The following TUSC3 variants were observed in gnomAD, a reference collection of about 807,000 sequenced individuals.
TUSC3 encodes the protein tumor suppressor candidate 3.
Under a neutral mutation model 44.8 loss-of-function variants are expected in TUSC3, and 45 were observed. The observed-to-expected ratio is 1.00, with a 90% confidence interval of 0.79 to 1.29. TUSC3 has a LOEUF of 1.29. Ranked by LOEUF, TUSC3 falls within the 50% of genes most tolerant of loss-of-function variation. The pLI is 0.00. For missense variants in TUSC3, 519 were observed against 437.9 expected (o/e 1.19, Z -1.65); for synonymous variants, 212 against 152.9 (o/e 1.39, Z -2.85).
intron 1 of TUSC3, among the ~76,000 whole-genome samples, chr8:15,579,175 T>A (rs1171458374): frequency 6.6e-6 from 1 of 150,462 alleles, no homozygotes; most frequent in African/African-American, 2.4e-5. Context: ...CCCTTTATCA[T>A]TTTTTATTGT....
chr8:15,450,379 A>G (rs188591500), intron 1 of TUSC3, among the ~76,000 whole-genome samples: 67 of 150,692 alleles, frequency 4.4e-4, no homozygotes, highest in Middle Eastern at 3.4e-3. Context: ...TTCCCACTCA[A>G]GGTGCTATTT....
At chr8:15,712,377 A>T (rs542859254) in intron 6 of TUSC3, among the ~76,000 whole-genome samples, 7 of 151,998 alleles carry the variant, frequency 4.6e-5, no homozygotes, top group East Asian at 1.9e-4. Context: ...CTCTTTTCAG[A>T]ACTATTTGAA....
intron 1 of TUSC3, among the ~76,000 whole-genome samples, chr8:15,610,229 A>T (rs932840686): frequency 2.6e-5 from 4 of 152,180 alleles, no homozygotes; most frequent in Non-Finnish European, 5.9e-5. Context: ...AATTCCATAC[A>T]TTCATTGATC....
chr8:15,469,367 C>T (rs994111539), intron 1 of TUSC3, among the ~76,000 whole-genome samples: 6 of 151,910 alleles, frequency 3.9e-5, no homozygotes, highest in South Asian at 4.2e-4. Flanking sequence ...GACACATCAC[C>T]GAAGATATAC....
At chr8:15,714,920 C>T (rs577681685) in intron 6 of TUSC3, among the ~76,000 whole-genome samples, 1 of 152,020 alleles carries the variant, frequency 6.6e-6, no homozygotes, top group African/African-American at 2.4e-5. Flanking sequence ...CTTTATAACT[C>T]TTTATAATTT....
At chr8:15,471,672 C>A (rs1383528307) in intron 1 of TUSC3, among the ~76,000 whole-genome samples, 1 of 149,172 alleles carries the variant, frequency 6.7e-6, no homozygotes, top group Non-Finnish European at 1.5e-5. Context: ...GGCTGGAGAA[C>A]AATCGTGTGA....
intron 2 of TUSC3, among the ~76,000 whole-genome samples, chr8:15,647,056 A>G (rs778760604): frequency 6.6e-6 from 1 of 152,068 alleles, no homozygotes; most frequent in African/African-American, 2.4e-5. Flanking sequence ...CTTCTCTTTT[A>G]CATACCAAAT....
intron 5 of TUSC3, among the ~76,000 whole-genome samples, chr8:15,672,031 C>T (rs1301238383): frequency 6.6e-6 from 1 of 151,900 alleles, no homozygotes; most frequent in African/African-American, 2.4e-5. Context: ...CATTTATGGG[C>T]CATGAGTTAA....
At chr8:15,453,105 G>C (rs1487583589) in intron 1 of TUSC3, among the ~76,000 whole-genome samples, 3 of 152,096 alleles carry the variant, frequency 2.0e-5, no homozygotes, top group East Asian at 1.9e-4. Flanking sequence ...CTAGACTTGA[G>C]AGCTAGTTTC....
At chr8:15,504,810 G>C (rs530506161) in intron 2 of TUSC3, among the ~76,000 whole-genome samples, 5 of 150,120 alleles carry the variant, frequency 3.3e-5, no homozygotes, top group African/African-American at 1.2e-4. Context: ...CTGCCACCAT[G>C]CCCAGCTAAT....
chr8:15,460,651 T>C (rs1385845520), intron 1 of TUSC3, among the ~76,000 whole-genome samples: 1 of 152,240 alleles, frequency 6.6e-6, no homozygotes, highest in Admixed American at 6.5e-5. Flanking sequence ...CTAGAGTTGT[T>C]ATAGCTTCAG....
At chr8:15,633,977 T>A (rs1429090) in intron 2 of TUSC3, among the ~76,000 whole-genome samples, 1 of 152,180 alleles carries the variant, frequency 6.6e-6, no homozygotes, top group Non-Finnish European at 1.5e-5. Context: ...TCCCTCTGGG[T>A]CAGCTCCCCC....
At chr8:15,475,749 T>C (rs145191474) in intron 1 of TUSC3, among the ~76,000 whole-genome samples, 7 of 152,276 alleles carry the variant, frequency 4.6e-5, no homozygotes, top group African/African-American at 1.4e-4. Context: ...TTAACATAAA[T>C]ACAGAGTAAA....
At chr8:15,757,708 G>GTAA in intron 9 of TUSC3, 83 bp from the exon 10 acceptor site, 1 of 1,454,262 alleles carries the variant, frequency 6.9e-7, no homozygotes, top group Non-Finnish European at 9.7e-7. Flanking sequence ...GCTAAATCTT[G>GTAA]TAATAATATT....
chr8:15,837,107 C>G, the TUSC3 span, among the ~76,000 whole-genome samples: 1 of 152,094 alleles, frequency 6.6e-6, no homozygotes, highest in Non-Finnish European at 1.5e-5. Flanking sequence ...AGCTATTGTT[C>G]TACTGTCTGC....
chr8:15,573,322 A>G (rs929921675), intron 1 of TUSC3, among the ~76,000 whole-genome samples: 4 of 150,438 alleles, frequency 2.7e-5, no homozygotes, highest in Non-Finnish European at 3.0e-5. Flanking sequence ...CTGCCTTCCA[A>G]TCCACATCCA....
intron 1 of TUSC3, among the ~76,000 whole-genome samples, chr8:15,456,549 T>C (rs1429175893): frequency 1.3e-5 from 2 of 152,056 alleles, no homozygotes; most frequent in Non-Finnish European, 2.9e-5. Context: ...AAGAGTGATA[T>C]TAGGGTAGAA....
At chr8:15,448,114 T>TATATATATATATAC (rs1563253367) in intron 1 of TUSC3, among the ~76,000 whole-genome samples, 2 of 5,552 alleles carry the variant, frequency 3.6e-4, no homozygotes, top group African/African-American at 4.0e-4. Context: ...TATACATATA[T>TATATATATATATAC]ATATATTTAT....
At chr8:15,784,969 A>G in the TUSC3 span, among the ~76,000 whole-genome samples, 2 of 152,236 alleles carry the variant, frequency 1.3e-5, no homozygotes, top group Admixed American at 6.5e-5. Context: ...TGATCATGCC[A>G]CAATACATAC....
Sources: allele counts gnomAD v4.1 joint callset (sites outside exome capture counted in the v4.1 genomes callset), GRCh38; gene constraint gnomAD v4.1.1; transcripts MANE v1.5; gene names NCBI Gene and HGNC (gene_info 2026-07-23, HGNC 2026-07-21).